TSC1: variants seen among roughly 807,000 people sequenced by gnomAD.
The protein encoded by TSC1 is hamartin.
A neutral mutation model predicts 124.3 loss-of-function variants in TSC1; 20 were observed. That is an observed-to-expected ratio of 0.16 (90% CI 0.11 to 0.23). The LOEUF (loss-of-function observed/expected upper bound fraction) is 0.23, where lower values mean the gene tolerates loss of function less well. TSC1 is among the 10% of genes least tolerant of loss of function. The pLI, the probability that TSC1 is intolerant of heterozygous loss-of-function variation, is 1.00. For missense variants in TSC1, 1,124 were observed against 1,448.5 expected, an observed-to-expected ratio of 0.78 and a Z score of 3.64; for synonymous variants, 493 against 539.1, an observed-to-expected ratio of 0.91 and a Z score of 1.19.
At chr9:132,938,004 C>T (rs532664194) in intron 1 of TSC1, among the ~76,000 whole-genome samples, 1 of 152,266 alleles carries the variant, frequency 6.6e-6, no homozygotes, top group Non-Finnish European at 1.5e-5. Flanking sequence ...GCGTGAGCCC[C>T]CACCCCCTGC....
Position 132,906,534 on chromosome 9 carries a change from G to A in TSC1, c.1438+197C>T, listed in dbSNP as rs1296939848. On this transcript the variant is annotated intron_variant, in intron 14 of 22. Coordinates refer to ENST00000298552, the MANE Select transcript of TSC1 (RefSeq NM_000368.5). This position sits in a 1 kb window ranked among gnomAD's most constrained non-coding sequence, Gnocchi z 4.1. ...ACTGCACTCCAGCCAGGGTGACAGAGCAAGACCCTGTCTCAAAAAAAAAAA... is the reference window on the plus strand; with the variant it reads ...ACTGCACTCCAGCCAGGGTGACAGAACAAGACCCTGTCTCAAAAAAAAAAA... The A allele has an allele frequency of 4.1e-5, 23 of 557,270 alleles. No individual in the cohort carries two copies. The East Asian group carries it at 7.3e-4, about 18-fold the overall frequency. The allele number at this position is 557,270 out of a possible 1,614,324, so 34.5% of individuals were successfully genotyped here.
intron 12 of TSC1, among the ~76,000 whole-genome samples, chr9:132,907,920 C>A (rs1564484829): frequency 6.6e-6 from 1 of 152,192 alleles, no homozygotes; most frequent in Non-Finnish European, 1.5e-5. Flanking sequence ...AACCCCATCT[C>A]TACAAAAAAT....
intron 15 of TSC1, 40 bp from the exon 16 acceptor site, chr9:132,904,494 A>G (rs1266843809): frequency 6.2e-7 from 1 of 1,606,346 alleles, no homozygotes; most frequent in Non-Finnish European, 8.5e-7. Flanking sequence ...TACCGATCTT[A>G]CCAAGAAAAA....
chr9:132,933,622 C>T (rs867780332), intron 2 of TSC1, among the ~76,000 whole-genome samples: 8 of 152,130 alleles, frequency 5.3e-5, no homozygotes, highest in Admixed American at 3.9e-4. Flanking sequence ...TTACCAATGA[C>T]GCTGTGTGCC....
rs1588324071 is a variant in TSC1 at position 132,911,456 on chromosome 9, T to C, written c.1026A>G (p.Pro342=). 2 of 1,609,504 alleles carry C rather than the reference T, an allele frequency of 1.2e-6. No homozygotes were observed. The highest frequency in any genetic ancestry group is 2.2e-5 in the South Asian group (2 of 90,974). Residue 342 remains proline (P), a synonymous_variant, in exon 10 of 23, where the codon CCA becomes CCG. Coordinates refer to ENST00000298552, the MANE Select transcript of TSC1 (RefSeq NM_000368.5). ...SPSTRLITEP[P]QATLWSPSMV... is the part of the protein sequence containing the mutation. ...GGCACACTAGTTGACACCATACTTGTGGTGGTTCAGTTATCAGCCGTGTCG... is the reference window on the plus strand; with the variant it reads ...GGCACACTAGTTGACACCATACTTGCGGTGGTTCAGTTATCAGCCGTGTCG...
Position 132,944,558 on chromosome 9 carries a change from C to G in TSC1, c.-159G>C, listed in dbSNP as rs530965070. On this transcript the variant is annotated 5_prime_UTR_variant, in exon 1 of 23. Coordinates refer to ENST00000298552, the MANE Select transcript of TSC1 (RefSeq NM_000368.5). ...CCATACTCACCCACCGTCTCCTCCC[C>G]CTCAGCTGTTTACCTCACAGTCCCT... 3 of 398,860 alleles carry G rather than the reference C, an allele frequency of 7.5e-6. No homozygotes were observed. The highest frequency in any genetic ancestry group is 7.1e-5 in the East Asian group (2 of 28,058). The allele number at this position is 398,860 out of a possible 1,614,324, so 24.7% of individuals were successfully genotyped here.
chr9:132,930,587 CAAAAAAAAAAAAA>C (rs58163733), intron 2 of TSC1, among the ~76,000 whole-genome samples: 1 of 45,248 alleles, frequency 2.2e-5, no homozygotes, highest in Admixed American at 3.0e-4. Flanking sequence ...GACTCTGCCT[CAAAAAAAAAAAAA>C]AAAAAAAAAA....
intron 13 of TSC1, 77 bp downstream of exon 13, chr9:132,907,224 T>C (rs947645174): frequency 7.8e-7 from 1 of 1,278,466 alleles, no homozygotes. Context: ...CTTGTTTCCA[T>C]TTAACTTTCT....
At chr9:132,914,183 A>G (rs1419350774) in intron 8 of TSC1, among the ~76,000 whole-genome samples, 1 of 152,048 alleles carries the variant, frequency 6.6e-6, no homozygotes, top group Non-Finnish European at 1.5e-5. Context: ...TACAGGCGTG[A>G]GCCACTGTAC....
chr9:132,934,009 C>T (rs1384260028), intron 2 of TSC1, among the ~76,000 whole-genome samples: 1 of 152,174 alleles, frequency 6.6e-6, no homozygotes, highest in Non-Finnish European at 1.5e-5. Flanking sequence ...ACTTAACTTT[C>T]GACAGTCTAC....
Position 132,893,171 on chromosome 9 carries a change from GT to G in TSC1, c.*3063del. The stretch of plus-strand genomic sequence containing the variant: ...CTTAGTAAGAAGATTCCGCAGCTTA[GT>G]CCCAAAGGTCAGGCAGTTTTCTCTC... On this transcript the variant is annotated 3_prime_UTR_variant, in exon 23 of 23. Transcript: ENST00000298552. The G allele has an allele frequency of 4.3e-6, 1 of 233,278 alleles. No homozygotes were observed. The highest frequency in any genetic ancestry group is 8.5e-6 in the Non-Finnish European group (1 of 118,068). The allele number at this position is 233,278 out of a possible 1,614,324, so 14.5% of individuals were successfully genotyped here. A position where few individuals can be genotyped will look rare whatever the true frequency, so the allele number is the denominator to read the frequency against.
At chr9:132,942,018 A>C (rs949212540) in intron 1 of TSC1, 2 of 152,234 alleles carry the variant, frequency 1.3e-5, no homozygotes, top group African/African-American at 2.4e-5. Flanking sequence ...GCTCATCGGC[A>C]TTCAAGAATA....
At chr9:132,934,659 G>A (rs1847365944) in intron 2 of TSC1, 1 of 168,374 alleles carries the variant, frequency 5.9e-6, no homozygotes, top group African/African-American at 2.4e-5. Flanking sequence ...CCAGCACACA[G>A]GCTTTAATTG....
rs118203472 is a variant in TSC1, at chr9:132,911,546, G to A, written c.936C>T (p.Tyr312=). 6.5e-7 allele frequency: 1 copy of A among 1,540,666 alleles called. No homozygotes were observed. The highest frequency in any genetic ancestry group is 2.6e-5 in the East Asian group (1 of 38,586). Residue 312 remains tyrosine, a synonymous_variant, in exon 10 of 23, where the codon TAC becomes TAT. Coordinates refer to ENST00000298552, the MANE Select transcript of TSC1 (RefSeq NM_000368.5). ...NSYGCATSTP[Y]STSRLMLLNM... ...TTAACAACATCAGCCGAGACGTGGAGTAAGGGGTAGAAGTAGCACACCCTA... is the reference window on the plus strand; with the variant it reads ...TTAACAACATCAGCCGAGACGTGGAATAAGGGGTAGAAGTAGCACACCCTA...
At chr9:132,913,891 G>GTTTTT (rs775823272) in intron 8 of TSC1, among the ~76,000 whole-genome samples, 241 of 58,364 alleles carry the variant, frequency 4.1e-3, no homozygotes, top group African/African-American at 5.6e-3. Context: ...GTTTTGTTTT[G>GTTTTT]TTTTTTTTTT....
At chr9:132,905,092 A>AG (rs1192018197) in intron 15 of TSC1, among the ~76,000 whole-genome samples, 1 of 152,170 alleles carries the variant, frequency 6.6e-6, no homozygotes, top group African/African-American at 2.4e-5. Flanking sequence ...TGGGTGCCTC[A>AG]GGGGGTCTGG....
At chr9:132,922,259 C>T (rs894021526) in intron 6 of TSC1, among the ~76,000 whole-genome samples, 3 of 152,164 alleles carry the variant, frequency 2.0e-5, no homozygotes, top group African/African-American at 7.2e-5. Context: ...CCTCTTCAGC[C>T]ACTGCCCAAA....
rs1181608988 is a variant in TSC1 at position 132,921,729 on chromosome 9, T to G, written c.663+90A>C. The G allele has an allele frequency of 1.9e-6, 3 of 1,539,946 alleles. No homozygotes were observed. Among genetic ancestry groups the G allele is most frequent in the Non-Finnish European group, 2.7e-6 (3 of 1,116,456 alleles). ...AGAAAACTGAATTTCTTTTCAAAAT[T>G]TCCCTGTCTGCCGTTAAATACAAAA... On this transcript the variant is annotated intron_variant, in intron 7 of 22. Coordinates refer to ENST00000298552, the MANE Select transcript of TSC1 (RefSeq NM_000368.5). The surrounding 1 kb of genome is among the most constrained non-coding windows in gnomAD (Gnocchi z 4.3).
intron 1 of TSC1, among the ~76,000 whole-genome samples, chr9:132,936,645 T>C (rs749661968): frequency 6.6e-5 from 10 of 152,182 alleles, no homozygotes; most frequent in Non-Finnish European, 8.8e-5. Context: ...TCAAACTATA[T>C]TTAGGTACAA....
Sources: gnomAD v4.1 joint callset for allele counts (sites outside exome capture counted in the v4.1 genomes callset) on GRCh38, gnomAD v4.1.1 for gene constraint, Gnocchi (gnomAD v3.1) non-coding constraint, MANE v1.5 for transcripts, NCBI Gene and HGNC (gene_info 2026-07-23, HGNC 2026-07-21) for gene names.